The following AK9 variants were observed in gnomAD, a reference collection of about 807,000 sequenced individuals.
AK9 encodes the protein adenylate kinase domain containing 1.
A neutral mutation model predicts 239.6 loss-of-function variants in AK9; 191 were observed. The ratio of observed to expected loss-of-function variants is 0.80; its 90% CI spans 0.71 to 0.90. The LOEUF is 0.90. Among genes scored for constraint, AK9 ranks in the 40% least tolerant of loss-of-function variants. The pLI, the probability that AK9 is intolerant of heterozygous loss-of-function variation, is 0.00. For missense variants in AK9, 1,995 were observed against 2,214.7 expected, an observed-to-expected ratio of 0.90 and a Z score of 1.99; for synonymous variants, 689 against 721.0, an observed-to-expected ratio of 0.96 and a Z score of 0.71.
Position 109,566,177 on chromosome 6 carries a change from C to T in AK9, c.2345-1332G>A, listed in dbSNP as rs575760839. On this transcript the variant is annotated intron_variant, in intron 21 of 40. Coordinates refer to ENST00000424296, the MANE Select transcript of AK9 (RefSeq NM_001145128.3). ...TAGGTTGATTTGCATTAACCTATAT[C>T]AGATATAACAGGTCTATATCTGAGA... Among the ~76,000 whole-genome samples the T allele has an allele frequency of 3.9e-5, 6 of 152,118 alleles. No individual in the cohort carries two copies. In the East Asian group the frequency reaches 1.2e-3, roughly 29 times the overall value.
Position 109,546,135 on chromosome 6 carries a change from A to AGG in AK9, c.2965-10_2965-9dup, listed in dbSNP as rs773261059. On this transcript the variant is annotated splice_polypyrimidine_tract_variant and intron_variant, in intron 25 of 40. Coordinates refer to ENST00000424296, the MANE Select transcript of AK9 (RefSeq NM_001145128.3). Reference sequence around the variant, plus strand: ...TATTCTTAATGGAGGAGCCTGTCACAGGGGGTGGGTCAGGGAGGGGTGGGA... The same window carrying AGG: ...TATTCTTAATGGAGGAGCCTGTCACAGGGGGGGTGGGTCAGGGAGGGGTGGGA... The AGG allele has an allele frequency of 1.8e-4, 100 of 551,222 alleles. No homozygotes were observed. Among genetic ancestry groups the AGG allele is most frequent in the Non-Finnish European group, 3.1e-4 (95 of 306,128 alleles). 34.1% of individuals were successfully genotyped at this position (551,222 alleles called of 1,614,324 possible).
rs141968479 is a variant in AK9, at chr6:109,497,326, TCACACA to T, written c.5315+133_5315+138del. The T allele has an allele frequency of 4.8e-3, 2,011 of 421,056 alleles. 27 individuals are homozygous for T. The highest frequency in any genetic ancestry group is 0.028 in the African/African-American group (1,045 of 37,888). The allele number at this position is 421,056 out of a possible 1,614,324, so 26.1% of individuals were successfully genotyped here. Reference sequence around the variant, plus strand: ...TGGGATGGCAGGGACCAGTGCTTGTTCACACACACACACACACACACACACACACAC... The same window carrying T: ...TGGGATGGCAGGGACCAGTGCTTGTTCACACACACACACACACACACACAC... On this transcript the variant is annotated intron_variant, in intron 38 of 40. Transcript: ENST00000424296.
At chr6:109,633,474 CT>C (rs1796359847) in intron 10 of AK9, 151 bp from the exon 11 acceptor site, 5 of 761,552 alleles carry the variant, frequency 6.6e-6, no homozygotes, top group Non-Finnish European at 1.0e-5. Flanking sequence ...TTGCAACATC[CT>C]GCACTTGTCC....
intron 10 of AK9, among the ~76,000 whole-genome samples, chr6:109,640,405 T>C (rs1473609587): frequency 1.3e-5 from 2 of 152,158 alleles, no homozygotes; most frequent in Non-Finnish European, 2.9e-5. Flanking sequence ...GGCAACACCC[T>C]GCCCTGCTTC....
rs1421159263 is a variant in AK9 at position 109,506,646 on chromosome 6, T to C, written c.4628+8A>G. 10 of 1,530,742 alleles carry C rather than the reference T, an allele frequency of 6.5e-6. No homozygotes were observed. Among genetic ancestry groups the C allele is most frequent in the Non-Finnish European group, 7.9e-6 (9 of 1,132,974 alleles). 94.8% of individuals were successfully genotyped at this position (1,530,742 alleles called of 1,614,324 possible). A position where few individuals can be genotyped will look rare whatever the true frequency, so the allele number is the denominator to read the frequency against. On this transcript the variant is annotated splice_region_variant and intron_variant, in intron 34 of 40. Transcript: ENST00000424296. Reference sequence around the variant, plus strand: ...TTCCTTTTTTGTTGTCTTCATCATGTACATTACCTTTGTTCATTTTCTTTT... The same window carrying C: ...TTCCTTTTTTGTTGTCTTCATCATGCACATTACCTTTGTTCATTTTCTTTT...
chr6:109,649,533 T>C (rs1451534148), intron 8 of AK9, among the ~76,000 whole-genome samples: 2 of 152,090 alleles, frequency 1.3e-5, no homozygotes, highest in Non-Finnish European at 2.9e-5. Flanking sequence ...ACAAGGGATG[T>C]GAAGGACCTC....
At chr6:109,527,141 C>T (rs1780625699) in intron 29 of AK9, among the ~76,000 whole-genome samples, 1 of 152,148 alleles carries the variant, frequency 6.6e-6, no homozygotes, top group African/African-American at 2.4e-5. Flanking sequence ...GGGAGGATTA[C>T]AAGCAAGGCC....
chr6:109,584,340 C>T (rs1789219389), intron 19 of AK9, among the ~76,000 whole-genome samples: 1 of 151,996 alleles, frequency 6.6e-6, no homozygotes, highest in South Asian at 2.1e-4. Context: ...TTTAAGAAAG[C>T]CATAGGTGCC....
chr6:109,639,516 T>C (rs990723133), intron 10 of AK9, among the ~76,000 whole-genome samples: 6 of 152,236 alleles, frequency 3.9e-5, no homozygotes, highest in Non-Finnish European at 2.9e-5. Flanking sequence ...TCTTGTAAAT[T>C]TGTTTAAGTT....
At position 109,493,453 on chromosome 6, in the gene AK9, C is replaced by T; in HGVS notation, c.5652G>A (p.Lys1884=). 6.2e-7 allele frequency: 1 copy of T among 1,614,128 alleles called. No individual in the cohort carries two copies. Residue 1884 remains lysine (K), a synonymous_variant, in exon 41 of 41, where the codon AAG becomes AAA. Transcript: ENST00000424296. ...AGTCAATGGCTCTGAACTGAGGTTCCTTGTATTTTCTGGTCATCTTGGCAC... is the reference window on the plus strand; with the variant it reads ...AGTCAATGGCTCTGAACTGAGGTTCTTTGTATTTTCTGGTCATCTTGGCAC... ...YLGAKMTRKY[K]EPQFRAIDFD...
rs927454772 is a variant in AK9, at chr6:109,498,761, T to A, written c.5046+283A>T. ...TGGGCTGAGTCCTTGTTGTTCAGCA[T>A]CTCTTCCATTGATGGGGCTCACTGT... On this transcript the variant is annotated intron_variant, in intron 36 of 40. Coordinates refer to ENST00000424296, the MANE Select transcript of AK9 (RefSeq NM_001145128.3). Among the ~76,000 whole-genome samples, 69 of 152,390 alleles carry A rather than the reference T, an allele frequency of 4.5e-4. No individual in the cohort carries two copies. The East Asian group carries it at 0.013, about 28-fold the overall frequency.
intron 24 of AK9, among the ~76,000 whole-genome samples, chr6:109,559,167 GT>G (rs79796830): frequency 4.8e-5 from 7 of 145,352 alleles, no homozygotes; most frequent in Non-Finnish European, 7.5e-5. Flanking sequence ...ATATCTATCT[GT>G]TTTTTTTTTT....
At chr6:109,534,528 G>C (rs948268528) in intron 27 of AK9, among the ~76,000 whole-genome samples, 4 of 150,510 alleles carry the variant, frequency 2.7e-5, no homozygotes, top group African/African-American at 9.7e-5. Context: ...CTTCAAAGTT[G>C]TTAATTCAAA....
intron 24 of AK9, among the ~76,000 whole-genome samples, chr6:109,563,372 T>G (rs537474512): frequency 6.6e-6 from 1 of 151,790 alleles, no homozygotes; most frequent in East Asian, 1.9e-4. Flanking sequence ...AAACTTAAAC[T>G]TTTTTTCCAT....
intron 9 of AK9, among the ~76,000 whole-genome samples, chr6:109,643,091 T>C (rs74555498): frequency 0.015 from 2,234 of 152,248 alleles, 58 homozygotes; most frequent in African/African-American, 0.051. Context: ...ATGGAACTAC[T>C]GTGGTGTGGG....
intron 6 of AK9, chr6:109,661,103 A>G: frequency 3.1e-6 from 1 of 318,190 alleles, no homozygotes; most frequent in Non-Finnish European, 6.2e-6. Flanking sequence ...CTTATTCCCC[A>G]ATAAGGACAA....
chr6:109,627,174 G>T, intron 12 of AK9, among the ~76,000 whole-genome samples: 1 of 124,362 alleles, frequency 8.0e-6, no homozygotes, highest in South Asian at 2.7e-4. Flanking sequence ...AGCCCTACAT[G>T]GGGTCAGGAT....
chr6:109,514,723 T>C (rs1779099222), intron 31 of AK9, among the ~76,000 whole-genome samples: 1 of 152,214 alleles, frequency 6.6e-6, no homozygotes, highest in African/African-American at 2.4e-5. Flanking sequence ...AATGTTTCTG[T>C]CAAACAGCCT....
intron 9 of AK9, among the ~76,000 whole-genome samples, chr6:109,642,185 G>A (rs1167106578): frequency 1.3e-5 from 2 of 152,124 alleles, no homozygotes; most frequent in Admixed American, 6.5e-5. Flanking sequence ...CCTTGATTTT[G>A]GACTTTTAGC....
Sources: gnomAD v4.1 joint callset for allele counts (sites outside exome capture counted in the v4.1 genomes callset) on GRCh38, gnomAD v4.1.1 for gene constraint, MANE v1.5 for transcripts, NCBI Gene and HGNC (gene_info 2026-07-23, HGNC 2026-07-21) for gene names.